The following NLGN1 variants were observed in gnomAD, a reference collection of about 807,000 sequenced individuals.
NLGN1 encodes neuroligin 1.
NLGN1 carries 12 observed loss-of-function variants against 65.5 expected under a neutral mutation model. The observed-to-expected ratio is 0.18, with a 90% confidence interval of 0.12 to 0.30. The LOEUF is 0.30. NLGN1 is among the 10% of genes least tolerant of loss of function. The probability of loss-of-function intolerance (pLI) is 1.00; values close to 1 mark genes in which losing one functional copy is unlikely to be tolerated. For synonymous variants in NLGN1, 350 were observed against 359.5 expected (o/e 0.97, Z 0.30); for missense variants, 750 against 1,007.1 (o/e 0.74, Z 3.46).
chr3:173,599,523 A>G (rs1047181216), intron 2 of NLGN1, among the ~76,000 whole-genome samples: 2 of 152,134 alleles, frequency 1.3e-5, no homozygotes, highest in Non-Finnish European at 2.9e-5. Flanking sequence ...ATATATTCCA[A>G]GTACATGGCT....
chr3:173,811,566 C>CA (rs768913259), intron 4 of NLGN1, among the ~76,000 whole-genome samples: 1,206 of 45,458 alleles, frequency 0.027, 16 homozygotes, highest in African/African-American at 0.044. Flanking sequence ...AACTCCGTCT[C>CA]AAAAAAAAAA....
At chr3:173,499,516 TA>T (rs1302488705) in intron 2 of NLGN1, among the ~76,000 whole-genome samples, 16 of 152,016 alleles carry the variant, frequency 1.1e-4, no homozygotes, top group Admixed American at 6.5e-4. Flanking sequence ...TCTTTTGCGT[TA>T]GGATTGACTT....
intron 2 of NLGN1, among the ~76,000 whole-genome samples, chr3:173,463,487 A>C (rs1245093226): frequency 6.6e-6 from 1 of 152,150 alleles, no homozygotes; most frequent in Non-Finnish European, 1.5e-5. Context: ...GTTAGCACTG[A>C]CTAGAATGTT....
chr3:173,741,299 T>C (rs572336467), intron 3 of NLGN1, among the ~76,000 whole-genome samples: 5 of 152,052 alleles, frequency 3.3e-5, no homozygotes, highest in Non-Finnish European at 7.4e-5. Flanking sequence ...ATATAATTTC[T>C]AGCCCAGGGC....
intron 4 of NLGN1, among the ~76,000 whole-genome samples, chr3:174,007,295 G>A (rs1018113946): frequency 1.3e-5 from 2 of 152,166 alleles, no homozygotes; most frequent in South Asian, 2.1e-4. Flanking sequence ...AGTCTGTGCT[G>A]TGGTATGTTT....
intron 4 of NLGN1, among the ~76,000 whole-genome samples, chr3:173,993,807 G>A (rs1721665862): frequency 6.6e-6 from 1 of 151,594 alleles, no homozygotes; most frequent in East Asian, 1.9e-4. Context: ...ATATAGTATT[G>A]TGTATATATA....
intron 3 of NLGN1, among the ~76,000 whole-genome samples, chr3:173,771,220 ATGATAACATC>A (rs1164886549): frequency 1.3e-5 from 2 of 152,178 alleles, no homozygotes; most frequent in Admixed American, 1.3e-4. Context: ...TTCCCATTAT[ATGATAACATC>A]TGTGAGCACA....
chr3:173,957,994 T>G (rs1406563927), intron 4 of NLGN1, among the ~76,000 whole-genome samples: 1 of 152,182 alleles, frequency 6.6e-6, no homozygotes, highest in Admixed American at 6.5e-5. Context: ...GCTGGCTCCC[T>G]GTGAGGCTGC....
intron 4 of NLGN1, among the ~76,000 whole-genome samples, chr3:173,993,701 G>A (rs1721631910): frequency 7.5e-6 from 1 of 132,890 alleles, no homozygotes; most frequent in African/African-American, 2.8e-5. Flanking sequence ...GATAGTTCAG[G>A]AGCCAACTAA....
intron 3 of NLGN1, among the ~76,000 whole-genome samples, chr3:173,623,343 A>T (rs758849596): frequency 2.8e-5 from 4 of 141,662 alleles, no homozygotes; most frequent in Non-Finnish European, 4.7e-5. Flanking sequence ...GGGAAATGTG[A>T]TTATTTTTGT....
chr3:173,931,774 G>A (rs897622066), intron 4 of NLGN1, among the ~76,000 whole-genome samples: 1 of 152,092 alleles, frequency 6.6e-6, no homozygotes, highest in Non-Finnish European at 1.5e-5. Flanking sequence ...GCATCATTCT[G>A]GCTTCTGTGT....
At chr3:173,551,713 T>A (rs1421862783) in intron 2 of NLGN1, among the ~76,000 whole-genome samples, 1 of 152,208 alleles carries the variant, frequency 6.6e-6, no homozygotes, top group African/African-American at 2.4e-5. Flanking sequence ...GTGATCTTGG[T>A]ACCGAAATCA....
chr3:173,619,211 T>G (rs1753611621), intron 3 of NLGN1, among the ~76,000 whole-genome samples: 1 of 152,144 alleles, frequency 6.6e-6, no homozygotes, highest in Non-Finnish European at 1.5e-5. Context: ...AATAATTAGA[T>G]TAAAACTCTC....
intron 4 of NLGN1, among the ~76,000 whole-genome samples, chr3:174,125,179 C>A (rs550969516): frequency 6.6e-6 from 1 of 152,086 alleles, no homozygotes; most frequent in South Asian, 2.1e-4. Flanking sequence ...TAGATATGAT[C>A]TTAATAGATT....
At chr3:173,728,400 T>C (rs1772192791) in intron 3 of NLGN1, among the ~76,000 whole-genome samples, 1 of 152,044 alleles carries the variant, frequency 6.6e-6, no homozygotes, top group Admixed American at 6.6e-5. Context: ...GGACAATATA[T>C]AACAGAGGTG....
At chr3:174,093,205 C>T (rs181341821) in intron 4 of NLGN1, among the ~76,000 whole-genome samples, 2 of 152,258 alleles carry the variant, frequency 1.3e-5, no homozygotes, top group Admixed American at 1.3e-4. Context: ...TTATTTTCAG[C>T]AAACGCAATT....
chr3:173,596,613 G>A (rs9857924), intron 2 of NLGN1, among the ~76,000 whole-genome samples: 11,735 of 150,328 alleles, frequency 0.078, 1,518 homozygotes, highest in African/African-American at 0.27. Flanking sequence ...TACTCATTTG[G>A]TGCTTGTTGT....
At chr3:174,166,296 T>G (rs144689122) in intron 4 of NLGN1, among the ~76,000 whole-genome samples, 1,876 of 152,188 alleles carry the variant, frequency 0.012, 19 homozygotes, top group Non-Finnish European at 0.019. Flanking sequence ...ATTATTAAGT[T>G]GAGGCCTTTC....
intron 4 of NLGN1, among the ~76,000 whole-genome samples, chr3:174,144,964 T>G (rs1388683743): frequency 6.6e-6 from 1 of 152,204 alleles, no homozygotes; most frequent in African/African-American, 2.4e-5. Context: ...GTTTTATTCA[T>G]GAAGTCTTTG....
Sources: gnomAD v4.1 joint callset for allele counts (sites outside exome capture counted in the v4.1 genomes callset) on GRCh38, gnomAD v4.1.1 for gene constraint, MANE v1.5 for transcripts, NCBI Gene and HGNC (gene_info 2026-07-23, HGNC 2026-07-21) for gene names.